The following SDCBP variants were observed in gnomAD, a reference collection of about 807,000 sequenced individuals.
SDCBP encodes the protein syntenin-1.
SDCBP carries 22 observed loss-of-function variants against 30.5 expected under a neutral mutation model. The ratio of observed to expected loss-of-function variants is 0.72; its 90% CI spans 0.52 to 1.03. The LOEUF (loss-of-function observed/expected upper bound fraction) is 1.03, where lower values mean the gene tolerates loss of function less well. SDCBP is among the 50% of genes least tolerant of loss of function. SDCBP has a pLI of 0.00. For missense variants in SDCBP, 304 were observed against 369.9 expected (o/e 0.82, Z 1.46); for synonymous variants, 103 against 118.7 (o/e 0.87, Z 0.86).
intron 1 of SDCBP, chr8:58,561,024 T>C (rs941135484): frequency 9.9e-5 from 15 of 152,018 alleles, no homozygotes; most frequent in African/African-American, 3.1e-4. Context: ...AACATAGAGA[T>C]TGAAAACGTA....
chr8:58,578,485 C>G lies in SDCBP; in HGVS notation c.578+277C>G, dbSNP rs1171665246. On this transcript the variant is annotated intron_variant, in intron 6 of 8. Transcript: ENST00000260130. The stretch of plus-strand genomic sequence containing the variant: ...CTGAGTTGCAGGGCATCTCTGGGCT[C>G]ACTTTCCAACTTACTGCTTAGATAC... The G allele has an allele frequency of 2.0e-5, 5 of 246,618 alleles. No homozygotes were observed. In the Admixed American group the frequency reaches 2.5e-4, roughly 12 times the overall value. 15.3% of individuals were successfully genotyped at this position (246,618 alleles called of 1,614,324 possible). A position where few individuals can be genotyped will look rare whatever the true frequency, so the allele number is the denominator to read the frequency against.
At chr8:58,556,008 T>C (rs1804076889) in intron 1 of SDCBP, among the ~76,000 whole-genome samples, 1 of 152,236 alleles carries the variant, frequency 6.6e-6, no homozygotes, top group African/African-American at 2.4e-5. Flanking sequence ...CTCCAAATTT[T>C]CCTGGTTTTG....
intron 4 of SDCBP, among the ~76,000 whole-genome samples, chr8:58,574,521 A>AT (rs1805214621): frequency 6.6e-6 from 1 of 152,082 alleles, no homozygotes; most frequent in South Asian, 2.1e-4. Context: ...TATAACCTTC[A>AT]TTTTTGTGTC....
intron 4 of SDCBP, among the ~76,000 whole-genome samples, chr8:58,572,945 TAC>T (rs1160970720): frequency 1.3e-5 from 2 of 151,466 alleles, no homozygotes. Flanking sequence ...TAGCTGAGAC[TAC>T]AAGCGCGCGC....
At chr8:58,556,967 TTA>T (rs1268951987) in intron 1 of SDCBP, among the ~76,000 whole-genome samples, 2 of 139,528 alleles carry the variant, frequency 1.4e-5, no homozygotes, top group Non-Finnish European at 3.0e-5. Flanking sequence ...GATTTATATA[TTA>T]TATATAACAT....
At position 58,557,401 on chromosome 8, in the gene SDCBP, AATAAT is replaced by A. The variant is rs1161902240; in HGVS notation, c.-16+4104_-16+4108del. Among the ~76,000 whole-genome samples the A allele has an allele frequency of 1.7e-3, 201 of 119,138 alleles. 1 individual carries two copies. The highest frequency in any genetic ancestry group is 6.0e-3 in the African/African-American group (194 of 32,544). The allele number at this position is 119,138 out of a possible 152,430, so 78.2% of individuals were successfully genotyped here. On this transcript the variant is annotated intron_variant, in intron 1 of 8. Coordinates refer to ENST00000260130, the MANE Select transcript of SDCBP (RefSeq NM_005625.4). Reference sequence around the variant, plus strand: ...ATAAAAATATTTATATTTAAAATATAATAATATAATGTAATATAATATATATTATA... The same window carrying A: ...ATAAAAATATTTATATTTAAAATATAATAATGTAATATAATATATATTATA...
At chr8:58,563,988 G>C (rs927432454) in intron 1 of SDCBP, among the ~76,000 whole-genome samples, 1 of 152,144 alleles carries the variant, frequency 6.6e-6, no homozygotes, top group African/African-American at 2.4e-5. Context: ...AGAGTGCTGG[G>C]GTGAGCTTCT....
intron 1 of SDCBP, among the ~76,000 whole-genome samples, chr8:58,564,385 A>G (rs968544097): frequency 6.6e-5 from 10 of 152,218 alleles, no homozygotes; most frequent in African/African-American, 2.4e-4. Context: ...TTATTACAAA[A>G]AGCAATTTAT....
intron 2 of SDCBP, chr8:58,570,666 T>C (rs1049418971): frequency 4.4e-5 from 19 of 434,610 alleles, no homozygotes; most frequent in African/African-American, 3.4e-4. Context: ...TTCTACAATT[T>C]TTTTGTGATA....
intron 1 of SDCBP, among the ~76,000 whole-genome samples, chr8:58,553,687 C>G (rs987580742): frequency 2.0e-5 from 3 of 152,228 alleles, no homozygotes; most frequent in Admixed American, 6.5e-5. Flanking sequence ...GTTTTCTCCT[C>G]GATAAGATCT....
chr8:58,575,601 T>C lies in SDCBP; in HGVS notation c.241-299T>C, dbSNP rs151238704. 2.0e-3 allele frequency among the ~76,000 whole-genome samples: 302 copies of C among 152,252 alleles called. 1 individual carries two copies. Among genetic ancestry groups the C allele is most frequent in the African/African-American group, 6.8e-3 (282 of 41,536 alleles). On this transcript the variant is annotated intron_variant, in intron 4 of 8. Coordinates refer to ENST00000260130, the MANE Select transcript of SDCBP (RefSeq NM_005625.4). ...TTTCAAAAGTATATGGCCTTTAAGT[T>C]CAAAGATAATAAATTTGAGATGAAG...
At chr8:58,570,694 A>T in intron 2 of SDCBP, 193 bp from the exon 3 acceptor site, 1 of 508,752 alleles carries the variant, frequency 2.0e-6, no homozygotes, top group Non-Finnish European at 3.5e-6. Context: ...AAGTATTTAG[A>T]ATATCAAATA....
intron 1 of SDCBP, among the ~76,000 whole-genome samples, chr8:58,557,963 A>G (rs1804239671): frequency 6.6e-6 from 1 of 152,200 alleles, no homozygotes; most frequent in South Asian, 2.1e-4. Flanking sequence ...AAACCTCATT[A>G]TTGGTCATTA....
intron 2 of SDCBP, among the ~76,000 whole-genome samples, chr8:58,569,436 G>A (rs776906561): frequency 6.6e-6 from 1 of 152,240 alleles, no homozygotes; most frequent in East Asian, 1.9e-4. Flanking sequence ...CAGGCCTCAA[G>A]CAACTCTCCA....
At chr8:58,571,647 T>G (rs1805032266) in intron 3 of SDCBP, among the ~76,000 whole-genome samples, 1 of 151,860 alleles carries the variant, frequency 6.6e-6, no homozygotes, top group Non-Finnish European at 1.5e-5. Flanking sequence ...TAACTACTAA[T>G]AAGTGAAATA....
intron 2 of SDCBP, among the ~76,000 whole-genome samples, chr8:58,568,600 A>C (rs1804838532): frequency 6.6e-6 from 1 of 152,210 alleles, no homozygotes; most frequent in South Asian, 2.1e-4. Flanking sequence ...TTTTTTATAT[A>C]TGACTGGCAG....
intron 3 of SDCBP, 56 bp downstream of exon 3, chr8:58,571,021 T>G: frequency 7.4e-7 from 1 of 1,352,904 alleles, no homozygotes; most frequent in Non-Finnish European, 1.0e-6. Context: ...TATCTTCTTT[T>G]GCTCATATAA....
In SDCBP at chr8:58,581,887, C is replaced by T. The variant is rs918124282; in HGVS notation, c.*147C>T. 32 of 648,084 alleles carry T rather than the reference C, an allele frequency of 4.9e-5. No individual in the cohort carries two copies. In the Admixed American group the frequency reaches 7.5e-4, roughly 15 times the overall value. The allele number at this position is 648,084 out of a possible 1,614,324, so 40.1% of individuals were successfully genotyped here. ...TCTTACATTATGGCTGGGAATCTTA[C>T]TCTTTCATCTGATACCTTGTTCAGA... On this transcript the variant is annotated 3_prime_UTR_variant, in exon 9 of 9. Coordinates refer to ENST00000260130, the MANE Select transcript of SDCBP (RefSeq NM_005625.4).
intron 2 of SDCBP, among the ~76,000 whole-genome samples, chr8:58,567,758 A>G (rs894904114): frequency 5.3e-5 from 8 of 152,208 alleles, no homozygotes; most frequent in Non-Finnish European, 8.8e-5. Context: ...TTCCTATGCT[A>G]CAAACCTGTA....
Sources: gnomAD v4.1 joint callset for allele counts (sites outside exome capture counted in the v4.1 genomes callset) on GRCh38, gnomAD v4.1.1 for gene constraint, MANE v1.5 for transcripts, NCBI Gene and HGNC (gene_info 2026-07-23, HGNC 2026-07-21) for gene names.